Variants in DNM3 observed in about 807,000 individuals in gnomAD.
The protein encoded by DNM3 is dynamin 3.
A neutral mutation model predicts 101.6 loss-of-function variants in DNM3; 47 were observed. That is an observed-to-expected ratio of 0.46 (90% CI 0.37 to 0.59). DNM3 has a LOEUF of 0.59. Among genes scored for constraint, DNM3 ranks in the 20% least tolerant of loss-of-function variants. The probability of loss-of-function intolerance (pLI) is 0.00; values close to 1 mark genes in which losing one functional copy is unlikely to be tolerated. For missense variants in DNM3, 849 were observed against 1,085.7 expected, an observed-to-expected ratio of 0.78 and a Z score of 3.06; for synonymous variants, 385 against 387.9, an observed-to-expected ratio of 0.99 and a Z score of 0.09.
At position 171,855,905 on chromosome 1, in the gene DNM3, G is replaced by A. The variant is rs547550971; in HGVS notation, c.161+14088G>A. Among the ~76,000 whole-genome samples the A allele has an allele frequency of 3.3e-5, 5 of 152,166 alleles. No homozygotes were observed. The South Asian group carries it at 1.0e-3, about 32-fold the overall frequency. Reference sequence around the variant, plus strand: ...CCTCTTGTCAATTTTTGCTTTTGTTGTTATTGCTTTTGGTGTCTTTGTTAT... The same window carrying A: ...CCTCTTGTCAATTTTTGCTTTTGTTATTATTGCTTTTGGTGTCTTTGTTAT... On this transcript the variant is annotated intron_variant, in intron 1 of 20. Coordinates refer to ENST00000627582, the MANE Select transcript of DNM3 (RefSeq NM_015569.5).
At chr1:172,055,995 C>T (rs749726689) in intron 10 of DNM3, among the ~76,000 whole-genome samples, 126 of 152,226 alleles carry the variant, frequency 8.3e-4, no homozygotes, top group Non-Finnish European at 1.6e-3. Context: ...GCACCGTGCA[C>T]GAGCCGAAGC....
At chr1:171,939,929 TC>T (rs905151642) in intron 2 of DNM3, among the ~76,000 whole-genome samples, 9 of 152,142 alleles carry the variant, frequency 5.9e-5, no homozygotes, top group Non-Finnish European at 8.8e-5. Flanking sequence ...TGTCTTCCCT[TC>T]CTCAGGGGGC....
At chr1:172,055,724 T>C (rs551020336) in intron 10 of DNM3, among the ~76,000 whole-genome samples, 1 of 152,290 alleles carries the variant, frequency 6.6e-6, no homozygotes, top group East Asian at 1.9e-4. Flanking sequence ...TTGGCTGAAG[T>C]AGGATGAAGG....
At position 172,077,080 on chromosome 1, in the gene DNM3, T is replaced by C. The variant is rs1359930078; in HGVS notation, c.1423-4752T>C. ...TATCCAGGAATTTATCCATTTTTTC[T>C]AGATTTTCTAGTTTATTTGCATAGA... On this transcript the variant is annotated intron_variant, in intron 11 of 20. Transcript: ENST00000627582. Among the ~76,000 whole-genome samples, 3 of 152,228 alleles carry C rather than the reference T, an allele frequency of 2.0e-5. No individual in the cohort carries two copies. The East Asian group carries it at 5.8e-4, about 29-fold the overall frequency.
At chr1:172,097,536 A>G (rs77434784) in intron 13 of DNM3, among the ~76,000 whole-genome samples, 5,945 of 152,332 alleles carry the variant, frequency 0.039, 125 homozygotes, top group Middle Eastern at 0.071. Context: ...CAATAAATAC[A>G]TGGTATCCGA....
At chr1:172,186,617 T>C (rs148315174) in intron 14 of DNM3, among the ~76,000 whole-genome samples, 3 of 152,212 alleles carry the variant, frequency 2.0e-5, no homozygotes, top group African/African-American at 7.2e-5. Context: ...CAAAGGCTGC[T>C]ACTTCTTGCT....
At chr1:171,993,500 T>TTG (rs1366736847) in intron 4 of DNM3, among the ~76,000 whole-genome samples, 1 of 147,448 alleles carries the variant, frequency 6.8e-6, no homozygotes. Flanking sequence ...TCAAGATTCT[T>TTG]TTTTTTTTTT....
chr1:172,246,706 G>A (rs10911379), intron 14 of DNM3, among the ~76,000 whole-genome samples: 3,811 of 152,182 alleles, frequency 0.025, 165 homozygotes, highest in African/African-American at 0.086. Flanking sequence ...TTACTCTGGC[G>A]GGCAATCCAG....
chr1:172,015,308 T>C (rs564096967), intron 4 of DNM3, among the ~76,000 whole-genome samples: 4 of 152,292 alleles, frequency 2.6e-5, no homozygotes, highest in Admixed American at 2.6e-4. Context: ...ACAAAATAAC[T>C]GACTGGGATT....
intron 9 of DNM3, among the ~76,000 whole-genome samples, chr1:172,045,534 A>G (rs528394357): frequency 6.6e-6 from 1 of 152,170 alleles, no homozygotes; most frequent in South Asian, 2.1e-4. Context: ...CCTACCTCCT[A>G]CTACCATCAC....
At chr1:172,280,378 T>C (rs921192693) in intron 15 of DNM3, among the ~76,000 whole-genome samples, 2 of 152,180 alleles carry the variant, frequency 1.3e-5, no homozygotes, top group African/African-American at 4.8e-5. Context: ...AAAAATTTAA[T>C]CTTTTTTAAA....
chr1:172,407,296 C>T lies in DNM3; in HGVS notation c.2523-476C>T, dbSNP rs76305311. On this transcript the variant is annotated intron_variant, in intron 20 of 20. Transcript: ENST00000627582. ...CTGATTTTTAGTGCTCTGTAAATTACAAGCATAATATAGAACAAATTGGAG... is the reference window on the plus strand; with the variant it reads ...CTGATTTTTAGTGCTCTGTAAATTATAAGCATAATATAGAACAAATTGGAG... 7.7e-4 allele frequency among the ~76,000 whole-genome samples: 117 copies of T among 151,820 alleles called. 1 individual carries two copies. Among genetic ancestry groups the T allele is most frequent in the African/African-American group, 2.8e-3 (115 of 41,416 alleles).
chr1:172,412,972 C>T (rs575869567), downstream of DNM3, among the ~76,000 whole-genome samples: 1 of 152,046 alleles, frequency 6.6e-6, no homozygotes, highest in African/African-American at 2.4e-5. Context: ...AATCGATTGA[C>T]GAACACAAAC....
intron 13 of DNM3, among the ~76,000 whole-genome samples, chr1:172,120,000 G>A (rs1297973185): frequency 1.3e-5 from 2 of 152,112 alleles, no homozygotes; most frequent in East Asian, 3.8e-4. Context: ...TTCTGCAATA[G>A]TCAACTATCA....
chr1:171,851,077 G>T (rs1362926564), intron 1 of DNM3, among the ~76,000 whole-genome samples: 1 of 152,166 alleles, frequency 6.6e-6, no homozygotes, highest in Non-Finnish European at 1.5e-5. Context: ...AACAGTGAGA[G>T]CTGGGTTTAG....
At chr1:172,291,308 C>A (rs966459706) in intron 15 of DNM3, among the ~76,000 whole-genome samples, 5 of 152,062 alleles carry the variant, frequency 3.3e-5, no homozygotes, top group Non-Finnish European at 7.4e-5. Context: ...TTTCAGATGG[C>A]TGCTTTTAAG....
rs1396656607 is a variant in DNM3 at position 172,330,404 on chromosome 1, A to G, written c.1893+7064A>G. On this transcript the variant is annotated intron_variant, in intron 17 of 20. Transcript: ENST00000627582. ...AGGTAGCATAATTCCATTTTACTTAAAAAATTTTACATAGGATGAGATATA... is the reference window on the plus strand; with the variant it reads ...AGGTAGCATAATTCCATTTTACTTAGAAAATTTTACATAGGATGAGATATA... 2.6e-5 allele frequency among the ~76,000 whole-genome samples: 4 copies of G among 152,114 alleles called. No homozygotes were observed. The South Asian group carries it at 6.2e-4, about 24-fold the overall frequency.
intron 14 of DNM3, among the ~76,000 whole-genome samples, chr1:172,153,201 G>T (rs1038055384): frequency 7.2e-5 from 11 of 152,120 alleles, no homozygotes; most frequent in Admixed American, 7.2e-4. Flanking sequence ...CCTCAGAGGT[G>T]GTTGGGAGGC....
At chr1:172,365,384 A>G (rs993365663) in intron 17 of DNM3, among the ~76,000 whole-genome samples, 8 of 152,072 alleles carry the variant, frequency 5.3e-5, no homozygotes, top group East Asian at 1.9e-4. Context: ...TTTCTATTCT[A>G]TCTACTTTTA....
Sources: gnomAD v4.1 joint callset for allele counts (sites outside exome capture counted in the v4.1 genomes callset) on GRCh38, gnomAD v4.1.1 for gene constraint, MANE v1.5 for transcripts, NCBI Gene and HGNC (gene_info 2026-07-23, HGNC 2026-07-21) for gene names.